The following B9D1 variants were observed in gnomAD, a reference collection of about 807,000 sequenced individuals.
B9D1 encodes the protein B9 domain containing 1.
Under a neutral mutation model 26.1 loss-of-function variants are expected in B9D1, and 20 were observed. The ratio of observed to expected loss-of-function variants is 0.77; its 90% CI spans 0.54 to 1.12. B9D1 has a LOEUF of 1.12. Ranked by LOEUF, B9D1 falls within the 50% of genes most tolerant of loss-of-function variation. The probability of loss-of-function intolerance (pLI) is 0.00; values close to 1 mark genes in which losing one functional copy is unlikely to be tolerated. For missense variants in B9D1, 260 were observed against 273.7 expected (o/e 0.95, Z 0.35); for synonymous variants, 105 against 103.1 (o/e 1.02, Z -0.11).
chr17:19,362,285 A>G (rs921920928), intron 1 of B9D1, among the ~76,000 whole-genome samples: 1 of 152,186 alleles, frequency 6.6e-6, no homozygotes, highest in African/African-American at 2.4e-5. Context: ...CCTCGGTACT[A>G]GCTCAACATC....
At chr17:19,376,624 CAAAAAA>C (rs56972267) in intron 1 of B9D1, among the ~76,000 whole-genome samples, 12 of 48,956 alleles carry the variant, frequency 2.5e-4, no homozygotes, top group African/African-American at 7.1e-4. Context: ...TACTAAAATA[CAAAAAA>C]AAAAAAAAAA....
chr17:19,351,893 A>C (rs8069741), intron 3 of B9D1, among the ~76,000 whole-genome samples: 146,794 of 151,964 alleles, frequency 0.97, 71,154 homozygotes, highest in African/African-American at 0.99. Flanking sequence ...GTTTCTTCTT[A>C]TTATTTTTTA....
chr17:19,376,624 CAAAAAAAAAAA>C lies in B9D1; in HGVS notation c.-298+1224_-298+1234del, dbSNP rs56972267. ...GTGAAACCCCATCTCTACTAAAATA[CAAAAAAAAAAA>C]AAAAAAAAAAAAAAAAGCCGGGCTT... is the stretch of plus-strand genomic sequence containing the variant. On this transcript the variant is annotated intron_variant, in intron 1 of 5. Transcript: ENST00000477478. Among the ~76,000 whole-genome samples, 19 of 48,972 alleles carry C rather than the reference CAAAAAAAAAAA, an allele frequency of 3.9e-4. 1 individual carries two copies. The highest frequency in any genetic ancestry group is 0.028 in the Middle Eastern group (1 of 36). 32.1% of individuals were successfully genotyped at this position (48,972 alleles called of 152,430 possible).
chr17:19,376,266 C>T (rs1912095443), intron 1 of B9D1, among the ~76,000 whole-genome samples: 1 of 152,092 alleles, frequency 6.6e-6, no homozygotes, highest in Admixed American at 6.5e-5. Flanking sequence ...TTAGAAGGCC[C>T]TTTGCAACCA....
chr17:19,347,780 C>T lies in B9D1; in HGVS notation c.341+4G>A, dbSNP rs746402205. ...CCAGGGCCCAGGTCAGAATGAGGAC[C>T]TACCGGCCAGGTGAGAAGGGCACGT... On this transcript the variant is annotated splice_donor_region_variant and intron_variant, in intron 4 of 6. Coordinates refer to ENST00000261499, the MANE Select transcript of B9D1 (RefSeq NM_015681.6). The surrounding 1 kb of genome is among the most constrained non-coding windows in gnomAD (Gnocchi z 4.3). 6.2e-7 allele frequency: 1 copy of T among 1,613,846 alleles called. No individual in the cohort carries two copies. Among genetic ancestry groups the T allele is most frequent in the African/African-American group, 1.3e-5 (1 of 75,056 alleles).
At chr17:19,360,019 C>T (rs1324619025) in intron 2 of B9D1, among the ~76,000 whole-genome samples, 4 of 152,192 alleles carry the variant, frequency 2.6e-5, no homozygotes, top group Admixed American at 6.5e-5. Context: ...AGAGTGTCCA[C>T]AGCTCAGCCA....
rs1179385229 is a variant in B9D1 at position 19,359,312 on chromosome 17, A to G, written c.132+1008T>C. Among the ~76,000 whole-genome samples, 1 of 152,176 alleles carries G rather than the reference A, an allele frequency of 6.6e-6. No individual in the cohort carries two copies. Among genetic ancestry groups the G allele is most frequent in the Non-Finnish European group, 1.5e-5 (1 of 68,036 alleles). Reference sequence around the variant, plus strand: ...ACCTGCCCAGGTGCCTCTCTGCTCCAGCCACTCTCCTGCTGGCTCGCTCTC... The same window carrying G: ...ACCTGCCCAGGTGCCTCTCTGCTCCGGCCACTCTCCTGCTGGCTCGCTCTC... On this transcript the variant is annotated intron_variant, in intron 2 of 6. Coordinates refer to ENST00000261499, the MANE Select transcript of B9D1 (RefSeq NM_015681.6). The surrounding 1 kb of genome is among the most constrained non-coding windows in gnomAD (Gnocchi z 5.0).
At chr17:19,376,350 G>A (rs1912098271) in intron 1 of B9D1, among the ~76,000 whole-genome samples, 1 of 152,140 alleles carries the variant, frequency 6.6e-6, no homozygotes, top group Admixed American at 6.5e-5. Flanking sequence ...CACGATGGGA[G>A]GTGAGAGTTG....
downstream of B9D1, chr17:19,343,147 A>G: frequency 6.9e-7 from 1 of 1,439,506 alleles, no homozygotes; most frequent in Non-Finnish European, 9.1e-7. Flanking sequence ...GGGGCTAAAC[A>G]GGAGAGAAGG....
chr17:19,361,780 A>T (rs1192682285), intron 1 of B9D1, among the ~76,000 whole-genome samples: 2 of 152,204 alleles, frequency 1.3e-5, no homozygotes, highest in Non-Finnish European at 1.5e-5. Flanking sequence ...AACAGCCTGG[A>T]AGGACAGTGT....
At chr17:19,374,506 G>C (rs904364396) in intron 1 of B9D1, among the ~76,000 whole-genome samples, 1 of 152,196 alleles carries the variant, frequency 6.6e-6, no homozygotes, top group Non-Finnish European at 1.5e-5. Flanking sequence ...AAAATTGTAA[G>C]AACAATACTC....
At chr17:19,340,932 G>GTTTA (rs1907904539), downstream of B9D1, 1 of 212,850 alleles carries the variant, frequency 4.7e-6, no homozygotes, top group Admixed American at 6.1e-5. Context: ...TGATTTCACA[G>GTTTA]TTTATTTTGA....
At chr17:19,353,681 C>T (rs570305591) in intron 3 of B9D1, among the ~76,000 whole-genome samples, 1 of 151,992 alleles carries the variant, frequency 6.6e-6, no homozygotes, top group South Asian at 2.1e-4. Context: ...TGGCTCACGC[C>T]TGTAATCCCA....
downstream of B9D1, chr17:19,341,044 G>T: frequency 1.0e-6 from 1 of 970,414 alleles, no homozygotes; most frequent in Non-Finnish European, 1.3e-6. Flanking sequence ...AATCTAGGTG[G>T]TGGGTATGTG....
chr17:19,341,969 C>A (rs983920111), downstream of B9D1, among the ~76,000 whole-genome samples: 1 of 151,920 alleles, frequency 6.6e-6, no homozygotes, highest in Admixed American at 6.5e-5. Context: ...GAGGGCCTGG[C>A]CTGAGGGAGG....
At chr17:19,362,430 G>C (rs976412640) in intron 1 of B9D1, 77 bp downstream of exon 1, 1 of 1,139,800 alleles carries the variant, frequency 8.8e-7, no homozygotes, top group Non-Finnish European at 1.2e-6. Flanking sequence ...GGGGGCCACA[G>C]GGCAGCCCGG....
chr17:19,376,624 C>CAAAAAA (rs56972267), intron 1 of B9D1, among the ~76,000 whole-genome samples: 3 of 48,956 alleles, frequency 6.1e-5, no homozygotes, highest in Non-Finnish European at 1.1e-4. Context: ...TACTAAAATA[C>CAAAAAA]AAAAAAAAAA....
downstream of B9D1, among the ~76,000 whole-genome samples, chr17:19,340,712 C>T (rs1205040217): frequency 6.7e-6 from 1 of 150,210 alleles, no homozygotes; most frequent in East Asian, 2.0e-4. Context: ...TCACTTGAAC[C>T]CGGGAGGCAG....
intron 3 of B9D1, 149 bp from the exon 4 acceptor site, chr17:19,348,029 G>T: frequency 1.4e-6 from 1 of 725,926 alleles, no homozygotes. Context: ...GAGCAGGCAT[G>T]GGAACCCAGA....
Sources: gnomAD v4.1 joint callset for allele counts (sites outside exome capture counted in the v4.1 genomes callset) on GRCh38, gnomAD v4.1.1 for gene constraint, Gnocchi (gnomAD v3.1) non-coding constraint, MANE v1.5 for transcripts, NCBI Gene and HGNC (gene_info 2026-07-23, HGNC 2026-07-21) for gene names.